The following SSBP2 variants were observed in gnomAD, a reference collection of about 807,000 sequenced individuals.
SSBP2 encodes single stranded DNA binding protein 2.
A neutral mutation model predicts 61.8 loss-of-function variants in SSBP2; 17 were observed. That is an observed-to-expected ratio of 0.28 (90% CI 0.19 to 0.41). The LOEUF (loss-of-function observed/expected upper bound fraction) is 0.41, where lower values mean the gene tolerates loss of function less well. Ranked by LOEUF, SSBP2 falls within the 10% of genes least tolerant of loss-of-function variation. The pLI, the probability that SSBP2 is intolerant of heterozygous loss-of-function variation, is 1.00. For synonymous variants in SSBP2, 139 were observed against 141.3 expected, an observed-to-expected ratio of 0.98 and a Z score of 0.12; for missense variants, 310 against 458.7, an observed-to-expected ratio of 0.68 and a Z score of 2.96.
At chr5:81,739,999 T>A (rs183400845) in intron 1 of SSBP2, among the ~76,000 whole-genome samples, 2 of 152,174 alleles carry the variant, frequency 1.3e-5, no homozygotes, top group East Asian at 3.8e-4. Context: ...TATACTCCTA[T>A]CTTACAGAAA....
intron 2 of SSBP2, among the ~76,000 whole-genome samples, chr5:81,649,204 GA>G (rs1192800477): frequency 5.9e-5 from 9 of 152,040 alleles, no homozygotes; most frequent in Non-Finnish European, 1.5e-5. Context: ...AAAACGGAAA[GA>G]ATATAACCTG....
intron 15 of SSBP2, among the ~76,000 whole-genome samples, chr5:81,431,470 C>T (rs73766240): frequency 1.4e-5 from 2 of 145,598 alleles, no homozygotes; most frequent in Non-Finnish European, 3.0e-5. Context: ...TATATATATA[C>T]ACACACACAT....
chr5:81,593,060 C>A (rs1056606453), intron 4 of SSBP2, among the ~76,000 whole-genome samples: 1 of 152,012 alleles, frequency 6.6e-6, no homozygotes, highest in Non-Finnish European at 1.5e-5. Context: ...AGGAGGAAAT[C>A]TGAACCAATG....
At chr5:81,613,097 T>C (rs1469280110) in intron 4 of SSBP2, among the ~76,000 whole-genome samples, 3 of 152,098 alleles carry the variant, frequency 2.0e-5, no homozygotes, top group Non-Finnish European at 4.4e-5. Flanking sequence ...CAGCCTCCAA[T>C]TAAAAAACAA....
chr5:81,507,858 A>G (rs1306677099), intron 5 of SSBP2, among the ~76,000 whole-genome samples: 1 of 152,126 alleles, frequency 6.6e-6, no homozygotes, highest in Non-Finnish European at 1.5e-5. Context: ...TAATAATCTA[A>G]TTTTTTAAAC....
chr5:81,556,470 C>T (rs1219184783), intron 4 of SSBP2, among the ~76,000 whole-genome samples: 1 of 151,982 alleles, frequency 6.6e-6, no homozygotes, highest in Non-Finnish European at 1.5e-5. Context: ...GTCCCTGTTT[C>T]GAATCCATGA....
chr5:81,749,555 T>C (rs1757578678), intron 1 of SSBP2, among the ~76,000 whole-genome samples: 1 of 152,114 alleles, frequency 6.6e-6, no homozygotes. Context: ...CTCTCAGACT[T>C]TTTCTCTGGT....
chr5:81,488,010 AATATATATATAT>A (rs59039206), intron 6 of SSBP2, among the ~76,000 whole-genome samples: 406 of 38,874 alleles, frequency 0.01, 13 homozygotes, highest in East Asian at 0.022. Context: ...ATGGCCAAAT[AATATATATATAT>A]ATATATATAT....
intron 1 of SSBP2, among the ~76,000 whole-genome samples, chr5:81,692,191 CAG>C (rs1753260881): frequency 6.6e-6 from 1 of 152,082 alleles, no homozygotes. Context: ...ATACAAAAAT[CAG>C]AAGCATTTCT....
intron 2 of SSBP2, among the ~76,000 whole-genome samples, chr5:81,646,733 G>T (rs1372252986): frequency 3.1e-5 from 4 of 130,306 alleles, no homozygotes; most frequent in Non-Finnish European, 6.2e-5. Flanking sequence ...ACCTTCAAAG[G>T]CTCCCTTTTT....
chr5:81,544,262 T>A (rs1280762714), intron 4 of SSBP2, among the ~76,000 whole-genome samples: 2 of 152,158 alleles, frequency 1.3e-5, no homozygotes, highest in Non-Finnish European at 2.9e-5. Flanking sequence ...TTGGCCAGGC[T>A]GGTCTTCAAC....
chr5:81,473,409 C>A (rs1399502043), intron 8 of SSBP2, among the ~76,000 whole-genome samples: 1 of 152,132 alleles, frequency 6.6e-6, no homozygotes, highest in Non-Finnish European at 1.5e-5. Flanking sequence ...CCTTCCCTTG[C>A]CCTCCACCCT....
chr5:81,712,746 T>G (rs1404506500), intron 1 of SSBP2, among the ~76,000 whole-genome samples: 31 of 151,634 alleles, frequency 2.0e-4, no homozygotes, highest in African/African-American at 7.5e-4. Context: ...TTTTTTGTTT[T>G]TTTTGACACA....
intron 3 of SSBP2, among the ~76,000 whole-genome samples, chr5:81,631,892 T>G (rs1238795622): frequency 6.6e-6 from 1 of 152,164 alleles, no homozygotes; most frequent in Non-Finnish European, 1.5e-5. Context: ...AAAACCTTGC[T>G]GAAATGATAA....
chr5:81,481,066 T>A (rs1401836247), intron 6 of SSBP2, among the ~76,000 whole-genome samples: 1 of 152,166 alleles, frequency 6.6e-6, no homozygotes, highest in African/African-American at 2.4e-5. Flanking sequence ...TAATTCTAGT[T>A]CTCCCTCTAT....
chr5:81,650,209 T>C (rs1749608604), intron 2 of SSBP2, 58 bp downstream of exon 2: 1 of 1,181,018 alleles, frequency 8.5e-7, no homozygotes, highest in Admixed American at 2.5e-5. Context: ...TATTATAGTG[T>C]GTTTTCCATT....
chr5:81,749,435 G>C (rs1757569443), intron 1 of SSBP2, among the ~76,000 whole-genome samples: 1 of 152,144 alleles, frequency 6.6e-6, no homozygotes, highest in Admixed American at 6.5e-5. Flanking sequence ...AACTTTCAGG[G>C]GGAGACTAAC....
chr5:81,517,561 T>C (rs1769132036), intron 4 of SSBP2, among the ~76,000 whole-genome samples: 1 of 152,038 alleles, frequency 6.6e-6, no homozygotes, highest in African/African-American at 2.4e-5. Context: ...GTTACCATGA[T>C]ATCTTTCTTC....
intron 4 of SSBP2, among the ~76,000 whole-genome samples, chr5:81,524,396 G>C (rs1020137943): frequency 3.9e-5 from 6 of 151,976 alleles, no homozygotes; most frequent in African/African-American, 1.4e-4. Flanking sequence ...AATCAGCCCA[G>C]CAATCCCAGA....
Sources: allele counts gnomAD v4.1 joint callset (sites outside exome capture counted in the v4.1 genomes callset), GRCh38; gene constraint gnomAD v4.1.1; transcripts MANE v1.5; gene names NCBI Gene and HGNC (gene_info 2026-07-23, HGNC 2026-07-21).